UBN2: variants seen among roughly 807,000 people sequenced by gnomAD.
The protein encoded by UBN2 is ubinuclein-2.
In UBN2, 35 loss-of-function variants were observed where a neutral mutation model predicts 120.2. The ratio of observed to expected loss-of-function variants is 0.29; its 90% confidence interval spans 0.22 to 0.39. The LOEUF is 0.39. Ranked by LOEUF, UBN2 falls within the 10% of genes least tolerant of loss-of-function variation. UBN2 has a pLI of 1.00. For synonymous variants in UBN2, 661 were observed against 648.7 expected (o/e 1.02, Z -0.29); for missense variants, 1,693 against 1,663.2 (o/e 1.02, Z -0.31).
rs185462570 is a variant in UBN2, at chr7:139,274,945, T to C, written c.1973+871T>C. ...AGAAAATATTCAGTGTAGAGAGATATCTCAAGAAACAAAGAGTCGCTCTGT... is the reference window on the plus strand; with the variant it reads ...AGAAAATATTCAGTGTAGAGAGATACCTCAAGAAACAAAGAGTCGCTCTGT... On this transcript the variant is annotated intron_variant, in intron 11 of 17. Coordinates refer to ENST00000473989, the MANE Select transcript of UBN2 (RefSeq NM_173569.4). Among the ~76,000 whole-genome samples the C allele has an allele frequency of 2.0e-5, 3 of 151,888 alleles. 1 individual carries two copies. Among genetic ancestry groups the C allele is most frequent in the South Asian group, 4.2e-4 (2 of 4,804 alleles).
chr7:139,237,394 T>TC, intron 2 of UBN2, among the ~76,000 whole-genome samples: 1 of 152,140 alleles, frequency 6.6e-6, no homozygotes, highest in Non-Finnish European at 1.5e-5. Flanking sequence ...CCTCCCAGGT[T>TC]CAAGCCTTTC....
At chr7:139,264,574 TTTTG>T (rs1056057660) in intron 6 of UBN2, among the ~76,000 whole-genome samples, 3 of 152,076 alleles carry the variant, frequency 2.0e-5, no homozygotes, top group Non-Finnish European at 4.4e-5. Flanking sequence ...CCTACACTAT[TTTTG>T]TTTGTTTGTT....
At chr7:139,257,146 C>T (rs1584999442) in intron 3 of UBN2, among the ~76,000 whole-genome samples, 1 of 152,082 alleles carries the variant, frequency 6.6e-6, no homozygotes, top group East Asian at 1.9e-4. Flanking sequence ...CTTTGAACAC[C>T]TTCATTTGGT....
chr7:139,245,859 G>C (rs73170930), intron 2 of UBN2, among the ~76,000 whole-genome samples: 5,630 of 152,220 alleles, frequency 0.037, 154 homozygotes, highest in South Asian at 0.085. Flanking sequence ...GGGAGAGTTG[G>C]TAGACAGTTT....
intron 7 of UBN2, among the ~76,000 whole-genome samples, chr7:139,266,767 A>G (rs969993833): frequency 6.6e-6 from 1 of 152,136 alleles, no homozygotes; most frequent in Non-Finnish European, 1.5e-5. Flanking sequence ...TACTTTTATT[A>G]CTTACACTGG....
intron 12 of UBN2, among the ~76,000 whole-genome samples, chr7:139,278,264 G>C (rs768658588): frequency 6.8e-6 from 1 of 146,580 alleles, no homozygotes; most frequent in South Asian, 2.1e-4. Context: ...TCGCTGCAAC[G>C]TCCATCTCCC....
At chr7:139,321,778 C>G in the UBN2 span, among the ~76,000 whole-genome samples, 1 of 152,140 alleles carries the variant, frequency 6.6e-6, no homozygotes, top group Admixed American at 6.5e-5. Context: ...GGAGTGAAAC[C>G]TGACCTTCCT....
At chr7:139,232,308 C>T (rs982169758) in intron 1 of UBN2, among the ~76,000 whole-genome samples, 2 of 152,228 alleles carry the variant, frequency 1.3e-5, no homozygotes, top group African/African-American at 2.4e-5. Flanking sequence ...GCTGGGTTCT[C>T]CCTGTGGCGC....
At chr7:139,323,331 T>G in the UBN2 span, among the ~76,000 whole-genome samples, 3 of 152,076 alleles carry the variant, frequency 2.0e-5, no homozygotes, top group Non-Finnish European at 4.4e-5. Context: ...ATGTCAAAAT[T>G]AAACACCTAG....
intron 17 of UBN2, among the ~76,000 whole-genome samples, 154 bp from the exon 18 acceptor site, chr7:139,297,633 A>G (rs535762198): frequency 2.0e-5 from 3 of 152,358 alleles, no homozygotes; most frequent in South Asian, 2.1e-4. Flanking sequence ...ATCAACCTCT[A>G]TAATGCTATA....
Position 139,231,474 on chromosome 7 carries a change from G to A in UBN2, c.-11G>A, listed in dbSNP as rs1415732952. 7.4e-7 allele frequency: 1 copy of A among 1,359,372 alleles called. No homozygotes were observed. The highest frequency in any genetic ancestry group is 1.5e-5 in the African/African-American group (1 of 66,400). 84.2% of individuals were successfully genotyped at this position (1,359,372 alleles called of 1,614,324 possible). The stretch of plus-strand genomic sequence containing the variant: ...CGGCTCGAGCAAAAGCGGAGGGCCA[G>A]AACAGTGGGGATGGCGGAGCCGCGC... On this transcript the variant is annotated 5_prime_UTR_variant, in exon 1 of 18. Coordinates refer to ENST00000473989, the MANE Select transcript of UBN2 (RefSeq NM_173569.4).
At chr7:139,270,770 G>A (rs1194343270) in intron 8 of UBN2, among the ~76,000 whole-genome samples, 1 of 149,842 alleles carries the variant, frequency 6.7e-6, no homozygotes, top group East Asian at 2.0e-4. Flanking sequence ...TTGAGACAGA[G>A]TTTCACTCCT....
At chr7:139,275,982 C>T (rs1385108630) in intron 11 of UBN2, 115 bp from the exon 12 acceptor site, 3 of 782,640 alleles carry the variant, frequency 3.8e-6, no homozygotes, top group East Asian at 2.7e-5. Flanking sequence ...ATAACTTTTA[C>T]TTGGTAAATA....
chr7:139,270,658 T>A (rs1797246334), intron 8 of UBN2, among the ~76,000 whole-genome samples: 1 of 152,242 alleles, frequency 6.6e-6, no homozygotes, highest in Non-Finnish European at 1.5e-5. Context: ...TACTTATGGA[T>A]ATTTGGGTTG....
In UBN2 at chr7:139,306,137, T is replaced by C. The variant is rs1259078049; in HGVS notation, c.*8301T>C. 2.6e-5 allele frequency: 4 copies of C among 152,178 alleles called. No homozygotes were observed. In the East Asian group the frequency reaches 7.7e-4, roughly 29 times the overall value. The allele number at this position is 152,178 out of a possible 1,614,324, so 9.4% of individuals were successfully genotyped here. A position where few individuals can be genotyped will look rare whatever the true frequency, so the allele number is the denominator to read the frequency against. ...CCAAGATAACATGGAAATACTTCTG[T>C]TTTTGAAGTTAACAACACCGTCTGC... On this transcript the variant is annotated 3_prime_UTR_variant, in exon 18 of 18. Transcript: ENST00000473989.
chr7:139,291,875 T>G (rs574273536), intron 15 of UBN2, among the ~76,000 whole-genome samples: 2 of 152,160 alleles, frequency 1.3e-5, no homozygotes, highest in African/African-American at 4.8e-5. Context: ...ATAATAAATT[T>G]TTTTTAAATA....
intron 2 of UBN2, among the ~76,000 whole-genome samples, chr7:139,247,180 A>G (rs1386803503): frequency 6.6e-6 from 1 of 152,062 alleles, no homozygotes; most frequent in African/African-American, 2.4e-5. Context: ...AAAAACTACC[A>G]AACCATTTTC....
rs1236119205 is a variant in UBN2, at chr7:139,301,504, A to G, written c.*3668A>G. 6.6e-6 allele frequency: 1 copy of G among 152,196 alleles called. No individual in the cohort carries two copies. The highest frequency in any genetic ancestry group is 2.4e-5 in the African/African-American group (1 of 41,442). 9.4% of individuals were successfully genotyped at this position (152,196 alleles called of 1,614,324 possible). On this transcript the variant is annotated 3_prime_UTR_variant, in exon 18 of 18. Coordinates refer to ENST00000473989, the MANE Select transcript of UBN2 (RefSeq NM_173569.4). ...AGTGATCTATCATATTTGCTGCTAC[A>G]TTTGTAAAATGAACTTTGCCTGTAT...
chr7:139,293,072 G>A (rs991793480), intron 15 of UBN2, among the ~76,000 whole-genome samples, 160 bp from the exon 16 acceptor site: 3 of 152,166 alleles, frequency 2.0e-5, no homozygotes, highest in African/African-American at 4.8e-5. Flanking sequence ...TAAAATAACA[G>A]CGTCTAAGGA....
Sources: gnomAD v4.1 joint callset for allele counts (sites outside exome capture counted in the v4.1 genomes callset) on GRCh38, gnomAD v4.1.1 for gene constraint, MANE v1.5 for transcripts, NCBI Gene and HGNC (gene_info 2026-07-23, HGNC 2026-07-21) for gene names.